GBE1: variants seen among roughly 807,000 people sequenced by gnomAD.
GBE1 encodes the protein 1,4-alpha-glucan branching enzyme 1, also known as 1,4-alpha-glucan-branching enzyme.
In GBE1, 70 loss-of-function variants were observed where a neutral mutation model predicts 88.8. The observed-to-expected ratio is 0.79, with a 90% CI of 0.65 to 0.96. The LOEUF (loss-of-function observed/expected upper bound fraction) is 0.96, where lower values mean the gene tolerates loss of function less well. Among genes scored for constraint, GBE1 ranks in the 40% least tolerant of loss-of-function variants. The pLI, the probability that GBE1 is intolerant of heterozygous loss-of-function variation, is 0.00. For synonymous variants in GBE1, 284 were observed against 300.1 expected (o/e 0.95, Z 0.56); for missense variants, 872 against 871.0 (o/e 1.00, Z -0.01).
intron 2 of GBE1, among the ~76,000 whole-genome samples, chr3:81,680,313 G>A (rs1705320630): frequency 1.3e-5 from 2 of 152,012 alleles, no homozygotes; most frequent in African/African-American, 2.4e-5. Context: ...CTAACATGGT[G>A]AAACACCGTC....
rs1702779092 is a variant in GBE1, at chr3:81,515,065, A to G, written c.1935-15838T>C. 2.0e-5 allele frequency among the ~76,000 whole-genome samples: 3 copies of G among 151,640 alleles called. No individual in the cohort carries two copies. In the South Asian group the frequency reaches 6.2e-4, roughly 31 times the overall value. On this transcript the variant is annotated intron_variant, in intron 14 of 15. Coordinates refer to ENST00000429644, the MANE Select transcript of GBE1 (RefSeq NM_000158.4). ...AGCCTAACTTTAAAAGGAAAGGCTCAATGTGAAATCTTTCAGGCCAATGAT... is the reference window on the plus strand; with the variant it reads ...AGCCTAACTTTAAAAGGAAAGGCTCGATGTGAAATCTTTCAGGCCAATGAT...
chr3:81,700,131 G>T (rs1705665790), intron 2 of GBE1, among the ~76,000 whole-genome samples: 1 of 152,154 alleles, frequency 6.6e-6, no homozygotes, highest in Non-Finnish European at 1.5e-5. Context: ...CAGCGAAAAT[G>T]AACAAGAAAG....
At chr3:81,584,248 T>C (rs1703768062) in intron 10 of GBE1, among the ~76,000 whole-genome samples, 2 of 152,076 alleles carry the variant, frequency 1.3e-5, no homozygotes, top group South Asian at 4.1e-4. Context: ...AAATGATACA[T>C]AATTTGCTTT....
chr3:81,505,862 C>A (rs536890165), intron 14 of GBE1, among the ~76,000 whole-genome samples: 1 of 152,192 alleles, frequency 6.6e-6, no homozygotes, highest in East Asian at 1.9e-4. Context: ...GACAGTTCTG[C>A]TAGCTAGCCA....
intron 2 of GBE1, among the ~76,000 whole-genome samples, chr3:81,689,663 G>C (rs1210723489): frequency 6.6e-6 from 1 of 152,120 alleles, no homozygotes; most frequent in Non-Finnish European, 1.5e-5. Context: ...TAGCGGGCGA[G>C]TCCACTCCAC....
intron 14 of GBE1, among the ~76,000 whole-genome samples, chr3:81,523,411 T>A (rs2106849622): frequency 6.6e-6 from 1 of 151,648 alleles, no homozygotes; most frequent in African/African-American, 2.4e-5. Flanking sequence ...GATATTTTGA[T>A]ACAGGATACA....
intron 1 of GBE1, among the ~76,000 whole-genome samples, chr3:81,722,857 G>C (rs1415038544): frequency 6.9e-6 from 1 of 144,548 alleles, no homozygotes; most frequent in Admixed American, 7.0e-5. Flanking sequence ...TAGGCTCTAG[G>C]GTATGTGCAT....
At chr3:81,709,528 T>C (rs1050842312) in intron 1 of GBE1, among the ~76,000 whole-genome samples, 8 of 152,126 alleles carry the variant, frequency 5.3e-5, no homozygotes, top group African/African-American at 1.9e-4. Flanking sequence ...CAAAAAGGTA[T>C]AACGTTGGGA....
At chr3:81,551,682 T>C (rs1703273275) in intron 12 of GBE1, among the ~76,000 whole-genome samples, 1 of 152,236 alleles carries the variant, frequency 6.6e-6, no homozygotes, top group South Asian at 2.1e-4. Context: ...TGATGTCTCA[T>C]GTCTCCCTAA....
At position 81,600,848 on chromosome 3, in the gene GBE1, T is replaced by C. The variant is rs149095314; in HGVS notation, c.993-6825A>G. ...TGGGAAAAACTAGCTGTACAGCAAT[T>C]GAGGTAGGGAAAGGTGAAAATATAG... On this transcript the variant is annotated intron_variant, in intron 7 of 15. Transcript: ENST00000429644. Among the ~76,000 whole-genome samples the C allele has an allele frequency of 1.3e-3, 197 of 152,078 alleles. 2 individuals carry two copies. The highest frequency in any genetic ancestry group is 4.6e-3 in the African/African-American group (192 of 41,510).
chr3:81,710,266 A>C, intron 1 of GBE1, among the ~76,000 whole-genome samples: 2 of 94,378 alleles, frequency 2.1e-5, no homozygotes, highest in Non-Finnish European at 1.9e-5. Context: ...ACGGACTCTC[A>C]CTCTGTTGCC....
chr3:81,497,373 C>T lies in GBE1; in HGVS notation c.2052+1737G>A, dbSNP rs145166066. ...AATTGCCTCTCCATGACAAGTACAA[C>T]TTTAAAATACATGTGCAATAGCATT... On this transcript the variant is annotated intron_variant, in intron 15 of 15. Transcript: ENST00000429644. Among the ~76,000 whole-genome samples, 317 of 152,256 alleles carry T rather than the reference C, an allele frequency of 2.1e-3. 6 individuals carry two copies. Among genetic ancestry groups the T allele is most frequent in the Non-Finnish European group, 5.9e-4 (40 of 68,028 alleles).
At chr3:81,520,305 T>C (rs1324912548) in intron 14 of GBE1, among the ~76,000 whole-genome samples, 1 of 151,550 alleles carries the variant, frequency 6.6e-6, no homozygotes, top group Non-Finnish European at 1.5e-5. Context: ...CCGCATCACA[T>C]TTTGGTAATT....
chr3:81,517,800 A>G (rs886630058), intron 14 of GBE1, among the ~76,000 whole-genome samples: 2 of 151,520 alleles, frequency 1.3e-5, no homozygotes, highest in Admixed American at 6.6e-5. Flanking sequence ...TTTTAATTAC[A>G]TAATTTTAAA....
intron 14 of GBE1, among the ~76,000 whole-genome samples, chr3:81,518,470 T>C (rs529289315): frequency 5.9e-5 from 9 of 151,592 alleles, no homozygotes; most frequent in African/African-American, 2.2e-4. Flanking sequence ...AAAAGTGTTA[T>C]AGCAGTTGCA....
intron 7 of GBE1, among the ~76,000 whole-genome samples, chr3:81,622,731 C>T (rs1283692945): frequency 6.6e-6 from 1 of 152,154 alleles, no homozygotes; most frequent in Non-Finnish European, 1.5e-5. Flanking sequence ...TACAGTGTAC[C>T]TTATGACAGA....
intron 12 of GBE1, among the ~76,000 whole-genome samples, chr3:81,572,975 T>C (rs1057151251): frequency 6.6e-6 from 1 of 152,164 alleles, no homozygotes; most frequent in Non-Finnish European, 1.5e-5. Flanking sequence ...GATAACCAAA[T>C]AAGCACCAGA....
At chr3:81,619,428 G>A (rs1231800991) in intron 7 of GBE1, among the ~76,000 whole-genome samples, 2 of 152,000 alleles carry the variant, frequency 1.3e-5, no homozygotes, top group East Asian at 3.8e-4. Flanking sequence ...CATATATTAA[G>A]GGTACAACTA....
At chr3:81,612,568 T>G in intron 7 of GBE1, 1 of 734,040 alleles carries the variant, frequency 1.4e-6, no homozygotes, top group Non-Finnish European at 2.4e-6. Flanking sequence ...GAAATGTTGT[T>G]ACCCCCAAAT....
Sources: allele counts gnomAD v4.1 joint callset (sites outside exome capture counted in the v4.1 genomes callset), GRCh38; gene constraint gnomAD v4.1.1; transcripts MANE v1.5; gene names NCBI Gene and HGNC (gene_info 2026-07-23, HGNC 2026-07-21).